GABRB2: variants seen among roughly 807,000 people sequenced by gnomAD.
GABRB2 encodes gamma-aminobutyric acid receptor subunit beta-2.
A neutral mutation model predicts 54.7 loss-of-function variants in GABRB2; 16 were observed. That is an observed-to-expected ratio of 0.29 (90% CI 0.20 to 0.44). GABRB2 has a LOEUF of 0.44. GABRB2 is among the 20% of genes least tolerant of loss of function. The pLI is 1.00. For synonymous variants in GABRB2, 244 were observed against 233.8 expected (o/e 1.04, Z -0.40); for missense variants, 355 against 644.0 (o/e 0.55, Z 4.86).
chr5:161,455,644 C>T (rs1390730512), intron 4 of GABRB2, among the ~76,000 whole-genome samples: 1 of 151,792 alleles, frequency 6.6e-6, no homozygotes, highest in African/African-American at 2.4e-5. Flanking sequence ...ATCCTCCCAC[C>T]TCAGCCTCCT....
At chr5:161,484,650 C>A (rs1228754410) in intron 3 of GABRB2, among the ~76,000 whole-genome samples, 1 of 151,970 alleles carries the variant, frequency 6.6e-6, no homozygotes, top group Non-Finnish European at 1.5e-5. Flanking sequence ...CATCCAAGGT[C>A]CACAGCAAAG....
chr5:161,523,631 A>G (rs1024690987), intron 3 of GABRB2, among the ~76,000 whole-genome samples: 2 of 151,732 alleles, frequency 1.3e-5, no homozygotes, highest in East Asian at 3.9e-4. Flanking sequence ...TCTTTGGTTC[A>G]GTTTTTAACC....
intron 9 of GABRB2, among the ~76,000 whole-genome samples, chr5:161,299,291 G>A (rs545856423): frequency 1.2e-4 from 18 of 152,234 alleles, no homozygotes; most frequent in Admixed American, 1.1e-3. Flanking sequence ...GTGGGTGTAG[G>A]CCAATCAGAG....
chr5:161,312,574 C>G (rs1477501361), intron 9 of GABRB2, among the ~76,000 whole-genome samples: 3 of 152,194 alleles, frequency 2.0e-5, no homozygotes, highest in African/African-American at 7.2e-5. Context: ...AGGTTTGCCA[C>G]TAACTAGCTG....
intron 3 of GABRB2, among the ~76,000 whole-genome samples, chr5:161,506,344 T>G (rs1014505880): frequency 2.6e-5 from 4 of 152,130 alleles, no homozygotes; most frequent in Non-Finnish European, 4.4e-5. Context: ...GCAAATAAGG[T>G]AAAACTCCCA....
intron 5 of GABRB2, among the ~76,000 whole-genome samples, chr5:161,354,673 A>T (rs1324652623): frequency 6.6e-6 from 1 of 151,980 alleles, no homozygotes; most frequent in Non-Finnish European, 1.5e-5. Flanking sequence ...ACAAACAAAC[A>T]AAACACTAAC....
intron 3 of GABRB2, among the ~76,000 whole-genome samples, chr5:161,501,893 A>G (rs956266917): frequency 2.0e-5 from 3 of 149,282 alleles, no homozygotes; most frequent in Non-Finnish European, 4.4e-5. Flanking sequence ...ATATCTTAAT[A>G]AACATTTCAT....
intron 9 of GABRB2, among the ~76,000 whole-genome samples, chr5:161,295,269 A>AT (rs1224448331): frequency 6.6e-6 from 1 of 152,198 alleles, no homozygotes; most frequent in Admixed American, 6.5e-5. Context: ...AGATAGTCAA[A>AT]TCACCTCTCT....
chr5:161,440,346 C>T (rs574037846), intron 4 of GABRB2, among the ~76,000 whole-genome samples: 42 of 152,060 alleles, frequency 2.8e-4, no homozygotes, highest in African/African-American at 7.5e-4. Flanking sequence ...CTACAAGAAA[C>T]GCACTTCAAC....
intron 4 of GABRB2, among the ~76,000 whole-genome samples, chr5:161,432,671 T>C (rs1757202392): frequency 6.6e-6 from 1 of 152,146 alleles, no homozygotes; most frequent in African/African-American, 2.4e-5. Flanking sequence ...AAGGGCTCAA[T>C]GTATAAGCAC....
chr5:161,471,699 C>A (rs1758444155), intron 3 of GABRB2, among the ~76,000 whole-genome samples: 1 of 152,000 alleles, frequency 6.6e-6, no homozygotes. Flanking sequence ...AGCCCTATAA[C>A]TGCCTATCTC....
intron 3 of GABRB2, among the ~76,000 whole-genome samples, chr5:161,465,637 T>G (rs1184018434): frequency 1.3e-5 from 2 of 152,148 alleles, no homozygotes; most frequent in Non-Finnish European, 2.9e-5. Context: ...GTGTTTCTTA[T>G]CTTTTTTAAG....
intron 5 of GABRB2, among the ~76,000 whole-genome samples, chr5:161,385,001 T>C (rs1198616689): frequency 2.0e-5 from 3 of 152,124 alleles, no homozygotes; most frequent in Non-Finnish European, 2.9e-5. Context: ...TATTCCCCTT[T>C]AAATATGCTT....
chr5:161,365,238 T>A (rs1754940137), intron 5 of GABRB2, among the ~76,000 whole-genome samples: 1 of 152,170 alleles, frequency 6.6e-6, no homozygotes, highest in Non-Finnish European at 1.5e-5. Context: ...AAGGTGTCAA[T>A]GTCAATAAAT....
intron 3 of GABRB2, among the ~76,000 whole-genome samples, chr5:161,502,243 C>A (rs1374784535): frequency 6.6e-6 from 1 of 151,804 alleles, no homozygotes; most frequent in Non-Finnish European, 1.5e-5. Flanking sequence ...CAATGAACTT[C>A]ACTATACTAT....
Position 161,312,170 on chromosome 5 carries a change from T to C in GABRB2, c.1191+14198A>G, listed in dbSNP as rs527927778. Among the ~76,000 whole-genome samples, 13 of 152,334 alleles carry C rather than the reference T, an allele frequency of 8.5e-5. No homozygotes were observed. The South Asian group carries it at 2.5e-3, about 29-fold the overall frequency. On this transcript the variant is annotated intron_variant, in intron 9 of 9. Coordinates refer to ENST00000393959, the MANE Select transcript of GABRB2 (RefSeq NM_001371727.1). ...GATGCCTTGTGCAGCTGCAGTCTGA[T>C]GGCTTCTGTGCATTTGGCCAATTAC...
At chr5:161,391,305 T>C (rs1330683976) in intron 5 of GABRB2, among the ~76,000 whole-genome samples, 7 of 152,336 alleles carry the variant, frequency 4.6e-5, no homozygotes, top group Non-Finnish European at 1.0e-4. Flanking sequence ...GAGCATATGT[T>C]TTAAAATGGC....
At chr5:161,463,643 G>A (rs1561659631) in intron 3 of GABRB2, among the ~76,000 whole-genome samples, 1 of 93,202 alleles carries the variant, frequency 1.1e-5, no homozygotes, top group African/African-American at 3.6e-5. Context: ...AAAAAACAAT[G>A]CTGGAAGACT....
At chr5:161,502,408 A>T (rs558097589) in intron 3 of GABRB2, among the ~76,000 whole-genome samples, 1 of 152,304 alleles carries the variant, frequency 6.6e-6, no homozygotes, top group South Asian at 2.1e-4. Flanking sequence ...GCTAATCTAC[A>T]AATCTAATGT....
Sources: allele counts gnomAD v4.1 joint callset (sites outside exome capture counted in the v4.1 genomes callset), GRCh38; gene constraint gnomAD v4.1.1; transcripts MANE v1.5; gene names NCBI Gene and HGNC (gene_info 2026-07-23, HGNC 2026-07-21).